Variants in FOXP1 observed in about 807,000 individuals in gnomAD.
The protein encoded by FOXP1 is forkhead box P1.
A neutral mutation model predicts 98.2 loss-of-function variants in FOXP1; 15 were observed. The observed-to-expected ratio is 0.15, with a 90% CI of 0.10 to 0.24. The LOEUF (loss-of-function observed/expected upper bound fraction) is 0.24, where lower values mean the gene tolerates loss of function less well. FOXP1 is among the 10% of genes least tolerant of loss of function. The pLI is 1.00. For synonymous variants in FOXP1, 371 were observed against 314.5 expected (o/e 1.18, Z -1.90); for missense variants, 633 against 848.5 (o/e 0.75, Z 3.15).
rs536475168 is a variant in FOXP1, at chr3:71,050,768, G to C, written c.510+1769C>G. 1.1e-4 allele frequency among the ~76,000 whole-genome samples: 16 copies of C among 152,282 alleles called. No individual in the cohort carries two copies. The South Asian group carries it at 3.3e-3, about 32-fold the overall frequency. ...TACATCTGATGTGACTCAATGACAA[G>C]CACTGTCTGAGACTGTGAAACAGGC... On this transcript the variant is annotated intron_variant, in intron 9 of 20. Coordinates refer to ENST00000649528, the MANE Select transcript of FOXP1 (RefSeq NM_001349338.3).
At chr3:71,044,373 T>C (rs570241456) in intron 10 of FOXP1, among the ~76,000 whole-genome samples, 20 of 152,332 alleles carry the variant, frequency 1.3e-4, no homozygotes, top group Admixed American at 1.2e-3. Context: ...AATATTTCTA[T>C]ATGAAATTAC....
intron 4 of FOXP1, among the ~76,000 whole-genome samples, chr3:71,353,833 G>A (rs1181099245): frequency 2.0e-5 from 3 of 152,076 alleles, no homozygotes; most frequent in South Asian, 2.1e-4. Context: ...CTGACATGGT[G>A]GAACAATATA....
chr3:71,179,696 C>G (rs2062171224), intron 6 of FOXP1, among the ~76,000 whole-genome samples: 1 of 152,084 alleles, frequency 6.6e-6, no homozygotes, highest in South Asian at 2.1e-4. Flanking sequence ...AATGAGAATA[C>G]AAATACATAA....
At chr3:71,506,325 T>A (rs539414900) in intron 2 of FOXP1, among the ~76,000 whole-genome samples, 2 of 152,130 alleles carry the variant, frequency 1.3e-5, no homozygotes, top group South Asian at 4.2e-4. Context: ...CATCATGGAG[T>A]GGTTTGAAGA....
chr3:71,458,123 G>T (rs2087676813), intron 3 of FOXP1, among the ~76,000 whole-genome samples: 1 of 152,106 alleles, frequency 6.6e-6, no homozygotes, highest in South Asian at 2.1e-4. Flanking sequence ...CTATTACAAT[G>T]CTATCTCATT....
At chr3:71,253,399 C>T (rs1004367699) in intron 5 of FOXP1, among the ~76,000 whole-genome samples, 2 of 151,812 alleles carry the variant, frequency 1.3e-5, no homozygotes, top group Non-Finnish European at 2.9e-5. Context: ...AAATAATAGA[C>T]GTGTTTAACT....
chr3:71,142,790 G>A (rs1575999714), intron 6 of FOXP1, among the ~76,000 whole-genome samples: 1 of 152,168 alleles, frequency 6.6e-6, no homozygotes, highest in South Asian at 2.1e-4. Context: ...CTGACCTACA[G>A]AACTATGAGC....
At chr3:71,447,662 G>A (rs1473308053) in intron 3 of FOXP1, among the ~76,000 whole-genome samples, 2 of 152,214 alleles carry the variant, frequency 1.3e-5, no homozygotes, top group Non-Finnish European at 2.9e-5. Context: ...GCTCATCCAC[G>A]TCCAGCGTGC....
intron 6 of FOXP1, among the ~76,000 whole-genome samples, chr3:71,179,856 A>G (rs554001257): frequency 6.6e-6 from 1 of 152,336 alleles, no homozygotes; most frequent in African/African-American, 2.4e-5. Flanking sequence ...TTCTACAACG[A>G]ATGTGTCATT....
At chr3:71,339,183 G>A (rs1257995368) in intron 4 of FOXP1, among the ~76,000 whole-genome samples, 1 of 152,182 alleles carries the variant, frequency 6.6e-6, no homozygotes, top group African/African-American at 2.4e-5. Context: ...AACATAAAAT[G>A]TATCCTGCTG....
intron 3 of FOXP1, among the ~76,000 whole-genome samples, chr3:71,385,560 A>G (rs1289865963): frequency 2.0e-5 from 3 of 152,208 alleles, no homozygotes; most frequent in African/African-American, 7.2e-5. Flanking sequence ...CCAAGAATAC[A>G]TATGTGAGCA....
chr3:71,408,414 G>C (rs767849636), intron 3 of FOXP1, among the ~76,000 whole-genome samples: 1 of 152,106 alleles, frequency 6.6e-6, no homozygotes, highest in Non-Finnish European at 1.5e-5. Context: ...AATCAGGCTC[G>C]CACACAGCCG....
intron 2 of FOXP1, among the ~76,000 whole-genome samples, chr3:71,577,529 G>A (rs1257874122): frequency 2.0e-5 from 3 of 152,002 alleles, no homozygotes; most frequent in Admixed American, 1.3e-4. Flanking sequence ...CTCATCTCAA[G>A]GCCTGCTGGC....
intron 18 of FOXP1, chr3:70,971,819 A>T (rs1476375277): frequency 2.4e-6 from 1 of 417,786 alleles, no homozygotes; most frequent in Non-Finnish European, 4.2e-6. Context: ...AGACGTCAAA[A>T]AAGCATTATT....
In FOXP1 at chr3:71,019,165, T is replaced by C. The variant is rs185059174; in HGVS notation, c.870-3512A>G. 1.2e-3 allele frequency among the ~76,000 whole-genome samples: 180 copies of C among 152,222 alleles called. 1 individual carries two copies. Among genetic ancestry groups the C allele is most frequent in the Non-Finnish European group, 1.3e-3 (88 of 67,978 alleles). On this transcript the variant is annotated intron_variant, in intron 11 of 20. Coordinates refer to ENST00000649528, the MANE Select transcript of FOXP1 (RefSeq NM_001349338.3). ...GTGCCAAAAAAGACAAGAAGGGAAA[T>C]AAAAATGAGGAGAATAATGTTTTTA...
At chr3:71,288,023 G>C (rs995835098) in intron 5 of FOXP1, among the ~76,000 whole-genome samples, 2 of 151,934 alleles carry the variant, frequency 1.3e-5, no homozygotes, top group African/African-American at 4.8e-5. Flanking sequence ...TGGGATTACA[G>C]GCATGCGCCA....
At position 71,144,959 on chromosome 3, in the gene FOXP1, T is replaced by C. The variant is rs567494275; in HGVS notation, c.181-32322A>G. On this transcript the variant is annotated intron_variant, in intron 6 of 20. Transcript: ENST00000649528. ...TGTAATCTTTGGAGATTGGCTTTTTTTGACTTAATACCTCTGAGACCATTC... is the reference window on the plus strand; with the variant it reads ...TGTAATCTTTGGAGATTGGCTTTTTCTGACTTAATACCTCTGAGACCATTC... Among the ~76,000 whole-genome samples, 27 of 152,330 alleles carry C rather than the reference T, an allele frequency of 1.8e-4. 1 individual carries two copies. Among genetic ancestry groups the C allele is most frequent in the Admixed American group, 1.5e-3 (23 of 15,304 alleles).
chr3:71,422,282 C>T lies in FOXP1; in HGVS notation c.-167-63038G>A, dbSNP rs57631908. Reference sequence around the variant, plus strand: ...CACGAACTTCTCAACCAACAACCCTCCCCCTTTTCACTCCTATTAGAAAAA... The same window carrying T: ...CACGAACTTCTCAACCAACAACCCTTCCCCTTTTCACTCCTATTAGAAAAA... On this transcript the variant is annotated intron_variant, in intron 3 of 20. Coordinates refer to ENST00000649528, the MANE Select transcript of FOXP1 (RefSeq NM_001349338.3). Among the ~76,000 whole-genome samples, 623 of 152,322 alleles carry T rather than the reference C, an allele frequency of 4.1e-3. 2 individuals carry two copies. The highest frequency in any genetic ancestry group is 0.014 in the African/African-American group (599 of 41,576).
At chr3:71,141,407 T>C (rs890645505) in intron 6 of FOXP1, among the ~76,000 whole-genome samples, 2 of 152,160 alleles carry the variant, frequency 1.3e-5, no homozygotes, top group African/African-American at 4.8e-5. Context: ...GGCTCTACCA[T>C]TTGTAGAGTC....
Sources: allele counts gnomAD v4.1 joint callset (sites outside exome capture counted in the v4.1 genomes callset), GRCh38; gene constraint gnomAD v4.1.1; transcripts MANE v1.5; gene names NCBI Gene and HGNC (gene_info 2026-07-23, HGNC 2026-07-21).